The following CTNNA2 variants were observed in gnomAD, a reference collection of about 807,000 sequenced individuals.
CTNNA2 encodes the protein catenin alpha-2.
In CTNNA2, 42 loss-of-function variants were observed where a neutral mutation model predicts 101.0. The ratio of observed to expected loss-of-function variants is 0.42; its 90% CI spans 0.32 to 0.54. The LOEUF (loss-of-function observed/expected upper bound fraction) is 0.54. CTNNA2 is among the 20% of genes least tolerant of loss of function. CTNNA2 has a pLI of 0.14. For synonymous variants in CTNNA2, 450 were observed against 456.4 expected (o/e 0.99, Z 0.18); for missense variants, 871 against 1,223.1 (o/e 0.71, Z 4.29).
At chr2:79,987,928 G>A (rs1249389127) in intron 7 of CTNNA2, among the ~76,000 whole-genome samples, 1 of 152,212 alleles carries the variant, frequency 6.6e-6, no homozygotes, top group African/African-American at 2.4e-5. Flanking sequence ...ATCACGGTCT[G>A]TTAGATAGAG....
intron 7 of CTNNA2, among the ~76,000 whole-genome samples, chr2:79,923,938 T>C (rs781235226): frequency 6.6e-6 from 1 of 152,180 alleles, no homozygotes; most frequent in African/African-American, 2.4e-5. Context: ...AGAATTAACA[T>C]ATGATCCAGC....
intron 2 of CTNNA2, among the ~76,000 whole-genome samples, chr2:79,302,203 T>C (rs1435952877): frequency 6.6e-6 from 1 of 152,206 alleles, no homozygotes; most frequent in Non-Finnish European, 1.5e-5. Flanking sequence ...TCTACATCTC[T>C]GAGAGTCATG....
chr2:80,630,353 G>T (rs1343027660), intron 18 of CTNNA2, among the ~76,000 whole-genome samples: 1 of 152,008 alleles, frequency 6.6e-6, no homozygotes, highest in Non-Finnish European at 1.5e-5. Context: ...CTGTCTCTCT[G>T]TACATTTTAA....
chr2:79,930,777 C>A lies in CTNNA2; in HGVS notation c.1056+20980C>A, dbSNP rs142914520. Reference sequence around the variant, plus strand: ...AGGGAGGTCAACTCTAGTATGATTTCTTTAAGCATCAAATTAATATTTTAC... The same window carrying A: ...AGGGAGGTCAACTCTAGTATGATTTATTTAAGCATCAAATTAATATTTTAC... On this transcript the variant is annotated intron_variant, in intron 7 of 18. Coordinates refer to ENST00000402739, the MANE Select transcript of CTNNA2 (RefSeq NM_001282597.3). Among the ~76,000 whole-genome samples the A allele has an allele frequency of 1.8e-3, 269 of 152,302 alleles. 1 individual carries two copies. The highest frequency in any genetic ancestry group is 5.8e-3 in the African/African-American group (239 of 41,556).
At chr2:80,007,812 C>T (rs1023519792) in intron 7 of CTNNA2, among the ~76,000 whole-genome samples, 1 of 152,066 alleles carries the variant, frequency 6.6e-6, no homozygotes, top group African/African-American at 2.4e-5. Flanking sequence ...ACAACCCTTT[C>T]TCCCAACATT....
intron 3 of CTNNA2, among the ~76,000 whole-genome samples, chr2:79,777,569 G>A (rs973601668): frequency 6.6e-6 from 1 of 152,072 alleles, no homozygotes; most frequent in African/African-American, 2.4e-5. Context: ...CTTCACCACT[G>A]CAATGTTTTG....
intron 2 of CTNNA2, among the ~76,000 whole-genome samples, chr2:79,259,707 C>T (rs934489075): frequency 3.3e-5 from 5 of 152,132 alleles, no homozygotes; most frequent in Non-Finnish European, 5.9e-5. Flanking sequence ...TGCAGCTCTT[C>T]CCACCCCACT....
chr2:80,421,120 G>A (rs1365340915), intron 9 of CTNNA2, among the ~76,000 whole-genome samples: 3 of 152,006 alleles, frequency 2.0e-5, no homozygotes, highest in Non-Finnish European at 4.4e-5. Context: ...GAAGGAGGAG[G>A]ATATGGGTAC....
intron 1 of CTNNA2, among the ~76,000 whole-genome samples, chr2:79,539,118 A>G (rs1226029474): frequency 6.6e-6 from 1 of 152,236 alleles, no homozygotes; most frequent in Non-Finnish European, 1.5e-5. Context: ...TACAGCAGAC[A>G]GAGACCTGGG....
chr2:79,400,384 A>AT (rs1678277070), intron 4 of CTNNA2, among the ~76,000 whole-genome samples: 1 of 151,952 alleles, frequency 6.6e-6, no homozygotes, highest in Non-Finnish European at 1.5e-5. Context: ...TGGCTTAGTG[A>AT]TTTTGGGGTT....
chr2:79,902,700 C>A (rs1319646072), intron 6 of CTNNA2, among the ~76,000 whole-genome samples: 1 of 151,390 alleles, frequency 6.6e-6, no homozygotes, highest in African/African-American at 2.4e-5. Flanking sequence ...GAGCTCAGCT[C>A]ACTGCAACTT....
At chr2:79,223,151 T>G (rs1419365026) in intron 2 of CTNNA2, among the ~76,000 whole-genome samples, 1 of 151,688 alleles carries the variant, frequency 6.6e-6, no homozygotes, top group Non-Finnish European at 1.5e-5. Flanking sequence ...CCGAGTGAGA[T>G]CCCATCTCTA....
At chr2:79,339,187 A>G (rs1677074343) in intron 3 of CTNNA2, among the ~76,000 whole-genome samples, 1 of 152,170 alleles carries the variant, frequency 6.6e-6, no homozygotes, top group Non-Finnish European at 1.5e-5. Flanking sequence ...AAAAACATGG[A>G]TACAAAAAGT....
At chr2:80,164,068 G>T (rs1704507342) in intron 7 of CTNNA2, among the ~76,000 whole-genome samples, 1 of 151,356 alleles carries the variant, frequency 6.6e-6, no homozygotes, top group African/African-American at 2.4e-5. Context: ...TTCTTATAGA[G>T]AGCATATAGT....
At chr2:79,254,126 G>C (rs953758416) in intron 2 of CTNNA2, among the ~76,000 whole-genome samples, 1 of 152,154 alleles carries the variant, frequency 6.6e-6, no homozygotes, top group East Asian at 1.9e-4. Context: ...GGATCACAAT[G>C]GTACCTTGCA....
intron 7 of CTNNA2, among the ~76,000 whole-genome samples, chr2:79,915,769 C>A: frequency 6.6e-6 from 1 of 152,122 alleles, no homozygotes; most frequent in East Asian, 1.9e-4. Flanking sequence ...TATTTATATT[C>A]ATTTTCTATA....
At chr2:80,189,129 T>A (rs1400187723) in intron 7 of CTNNA2, among the ~76,000 whole-genome samples, 1 of 152,000 alleles carries the variant, frequency 6.6e-6, no homozygotes, top group Non-Finnish European at 1.5e-5. Context: ...ATTTTTTGTA[T>A]TTTTAGTAGA....
intron 3 of CTNNA2, among the ~76,000 whole-genome samples, chr2:79,828,723 T>G (rs1233873766): frequency 6.6e-6 from 1 of 152,206 alleles, no homozygotes; most frequent in Non-Finnish European, 1.5e-5. Flanking sequence ...CTGCCACATA[T>G]TAGCTCTGGT....
At chr2:79,464,589 C>G (rs1670914067) in intron 4 of CTNNA2, among the ~76,000 whole-genome samples, 1 of 152,172 alleles carries the variant, frequency 6.6e-6, no homozygotes, top group Non-Finnish European at 1.5e-5. Flanking sequence ...AACTAGTTTA[C>G]AGTCCCACCA....
Sources: allele counts gnomAD v4.1 joint callset (sites outside exome capture counted in the v4.1 genomes callset), GRCh38; gene constraint gnomAD v4.1.1; transcripts MANE v1.5; gene names NCBI Gene and HGNC (gene_info 2026-07-23, HGNC 2026-07-21).